Variants in CDKN2B-AS1 observed in about 807,000 individuals in gnomAD.
The protein encoded by CDKN2B-AS1 is CDKN2B and CDKN2A antisense cis and trans regulatory RNA 1, also known as CDKN2B antisense RNA 1 (non-protein coding).
At chr9:22,125,018 C>G (rs777273371) in intron 4 of CDKN2B-AS1, among the ~76,000 whole-genome samples, 1 of 152,246 alleles carries the variant, frequency 6.6e-6, no homozygotes, top group Non-Finnish European at 1.5e-5. Context: ...CAGTCTCTCT[C>G]TATGTTTCTC....
chr9:22,008,830 C>A, intron 1 of CDKN2B-AS1: 7 of 1,608,236 alleles, frequency 4.4e-6, no homozygotes, highest in Non-Finnish European at 5.9e-6. Flanking sequence ...CGGTTGACTC[C>A]GTTGGGATCC....
chr9:22,075,867 C>T (rs1384846422), intron 4 of CDKN2B-AS1, among the ~76,000 whole-genome samples: 1 of 152,020 alleles, frequency 6.6e-6, no homozygotes. Flanking sequence ...ACTGTTAGAG[C>T]AGGGAAACTA....
chr9:22,022,020 C>CA (rs1822036728), intron 1 of CDKN2B-AS1, among the ~76,000 whole-genome samples: 1 of 152,056 alleles, frequency 6.6e-6, no homozygotes, highest in Admixed American at 6.5e-5. Flanking sequence ...GTCTGGGAGA[C>CA]AGTTTGTTAT....
intron 4 of CDKN2B-AS1, among the ~76,000 whole-genome samples, chr9:22,101,663 T>C (rs1825488390): frequency 2.8e-5 from 3 of 105,712 alleles, no homozygotes; most frequent in African/African-American, 1.0e-4. Flanking sequence ...CTAACCCTCT[T>C]CAACACACAC....
At chr9:22,011,451 A>G (rs1821505166) in intron 1 of CDKN2B-AS1, among the ~76,000 whole-genome samples, 1 of 152,156 alleles carries the variant, frequency 6.6e-6, no homozygotes, top group Admixed American at 6.5e-5. Context: ...CCATATTTCA[A>G]TTTTACAGAC....
At chr9:22,016,353 G>A (rs1162312885) in intron 1 of CDKN2B-AS1, among the ~76,000 whole-genome samples, 8 of 152,164 alleles carry the variant, frequency 5.3e-5, no homozygotes, top group South Asian at 2.1e-4. Context: ...AATCAATATC[G>A]TGAAAATGGC....
chr9:22,072,876 T>G (rs1208213212), intron 4 of CDKN2B-AS1, among the ~76,000 whole-genome samples: 1 of 152,224 alleles, frequency 6.6e-6, no homozygotes, highest in Non-Finnish European at 1.5e-5. Context: ...CAGACTTCTA[T>G]TTCTTCATGT....
intron 4 of CDKN2B-AS1, among the ~76,000 whole-genome samples, chr9:22,082,341 G>A (rs1547704): frequency 0.053 from 8,085 of 152,172 alleles, 550 homozygotes; most frequent in African/African-American, 0.16. Context: ...CTTGTACAAG[G>A]CATAAAGTGT....
rs923320414 is a variant in CDKN2B-AS1 at position 21,995,155 on chromosome 9, G to C, written n.23G>C. 1.3e-5 allele frequency: 2 copies of C among 152,222 alleles called. No individual in the cohort carries two copies. The highest frequency in any genetic ancestry group is 4.8e-5 in the African/African-American group (2 of 41,470). The allele number at this position is 152,222 out of a possible 1,614,324, so 9.4% of individuals were successfully genotyped here. On this transcript the variant is annotated non_coding_transcript_exon_variant, in exon 1 of 5. Transcript: ENST00000650946. The surrounding 1 kb of genome is among the most constrained non-coding windows in gnomAD (Gnocchi z 5.7). ...GGAGCTGTCGACCCGGCCTGGCGCC[G>C]GACTAGGTAGGTGGAGTCGCACCCG...
At chr9:22,014,715 T>G (rs1821663702) in intron 1 of CDKN2B-AS1, among the ~76,000 whole-genome samples, 1 of 151,334 alleles carries the variant, frequency 6.6e-6, no homozygotes, top group East Asian at 2.0e-4. Context: ...CCCATTAACT[T>G]GTCATTTAGC....
chr9:22,125,546 T>C (rs1818003486), intron 4 of CDKN2B-AS1, among the ~76,000 whole-genome samples: 2 of 152,210 alleles, frequency 1.3e-5, no homozygotes, highest in African/African-American at 2.4e-5. Context: ...ATATGGTAAA[T>C]ACTGTGTTGA....
intron 4 of CDKN2B-AS1, among the ~76,000 whole-genome samples, chr9:22,097,077 A>C (rs1254850440): frequency 6.6e-6 from 1 of 152,182 alleles, no homozygotes; most frequent in African/African-American, 2.4e-5. Context: ...AAAGGCCATC[A>C]GGGAGTTTCT....
chr9:22,004,913 T>C (rs1288409806), intron 1 of CDKN2B-AS1: 1 of 233,172 alleles, frequency 4.3e-6, no homozygotes, highest in Non-Finnish European at 8.5e-6. Context: ...GAAAGCAATC[T>C]AGGCGTTTGC....
chr9:22,028,674 C>T (rs1166837446), intron 1 of CDKN2B-AS1, among the ~76,000 whole-genome samples: 2 of 152,184 alleles, frequency 1.3e-5, no homozygotes, highest in East Asian at 1.9e-4. Flanking sequence ...TTTAATTTGG[C>T]ACTGTAGTTT....
At chr9:22,125,914 C>T (rs1333050) in intron 4 of CDKN2B-AS1, among the ~76,000 whole-genome samples, 76,767 of 151,964 alleles carry the variant, frequency 0.51, 22,424 homozygotes, top group Non-Finnish European at 0.65. Context: ...TATTGTTAAA[C>T]GAAAAATCTA....
chr9:22,109,544 A>G (rs1007351747), intron 4 of CDKN2B-AS1, among the ~76,000 whole-genome samples: 2 of 152,160 alleles, frequency 1.3e-5, no homozygotes, highest in Non-Finnish European at 2.9e-5. Context: ...GTGACTGGCT[A>G]GGGAGAAACA....
At chr9:22,125,172 CT>C (rs778899940) in intron 4 of CDKN2B-AS1, among the ~76,000 whole-genome samples, 4 of 152,268 alleles carry the variant, frequency 2.6e-5, no homozygotes, top group Non-Finnish European at 5.9e-5. Flanking sequence ...CTATAAATGC[CT>C]TTGGCTATCA....
At chr9:22,090,720 A>G (rs1156538424) in intron 4 of CDKN2B-AS1, among the ~76,000 whole-genome samples, 1 of 151,872 alleles carries the variant, frequency 6.6e-6, no homozygotes, top group Admixed American at 6.6e-5. Context: ...TAGATTCTGG[A>G]TATTAGCCCT....
chr9:22,009,035 G>C (rs1821351333), intron 1 of CDKN2B-AS1: 10 of 1,585,920 alleles, frequency 6.3e-6, no homozygotes, highest in Middle Eastern at 1.9e-4. Context: ...TCTTTCCCAC[G>C]CTGCTCCGGC....
Sources: allele counts gnomAD v4.1 joint callset (sites outside exome capture counted in the v4.1 genomes callset), GRCh38; gene constraint gnomAD v4.1.1; non-coding constraint Gnocchi (gnomAD v3.1); transcripts MANE v1.5; gene names NCBI Gene and HGNC (gene_info 2026-07-23, HGNC 2026-07-21).